Variants in NBAS observed in about 807,000 individuals in gnomAD.
NBAS encodes NAG/BC035112 fusion.
Under a neutral mutation model 302.5 loss-of-function variants are expected in NBAS, and 219 were observed. The ratio of observed to expected loss-of-function variants is 0.72; its 90% CI spans 0.65 to 0.81. NBAS has a LOEUF of 0.81. NBAS is among the 30% of genes least tolerant of loss of function. The pLI is 0.00. For missense variants in NBAS, 2,932 were observed against 2,841.6 expected (o/e 1.03, Z -0.72); for synonymous variants, 1,118 against 1,021.6 (o/e 1.09, Z -1.80).
At chr2:15,249,932 G>A (rs1395263885) in intron 44 of NBAS, among the ~76,000 whole-genome samples, 1 of 152,104 alleles carries the variant, frequency 6.6e-6, no homozygotes, top group Non-Finnish European at 1.5e-5. Flanking sequence ...AGCTACTGTT[G>A]ACTTTCTTCA....
chr2:14,817,180 T>C, the NBAS span, among the ~76,000 whole-genome samples: 2 of 152,222 alleles, frequency 1.3e-5, no homozygotes, highest in South Asian at 2.1e-4. Context: ...TCATGTGTTA[T>C]TGCATGTTGT....
At chr2:14,908,574 T>C in the NBAS span, among the ~76,000 whole-genome samples, 5 of 152,192 alleles carry the variant, frequency 3.3e-5, no homozygotes, top group African/African-American at 1.2e-4. Flanking sequence ...CATCCCTGCA[T>C]AGGTCTTGCC....
the NBAS span, among the ~76,000 whole-genome samples, chr2:14,824,932 C>T: frequency 6.6e-6 from 1 of 152,102 alleles, no homozygotes; most frequent in Admixed American, 6.5e-5. Flanking sequence ...GCAAGCAAAA[C>T]CTTTCTGTCC....
intron 9 of NBAS, among the ~76,000 whole-genome samples, chr2:15,524,880 A>C (rs1478070249): frequency 6.6e-6 from 1 of 152,000 alleles, no homozygotes; most frequent in African/African-American, 2.4e-5. Flanking sequence ...GAATGTCAAC[A>C]CAAGTACTAA....
At chr2:15,520,142 A>G (rs911293269) in intron 9 of NBAS, among the ~76,000 whole-genome samples, 7 of 152,126 alleles carry the variant, frequency 4.6e-5, no homozygotes, top group Admixed American at 6.6e-5. Flanking sequence ...TGACTTACAT[A>G]TGTAATTCCA....
At chr2:15,505,035 C>T (rs1661774977) in intron 10 of NBAS, among the ~76,000 whole-genome samples, 1 of 152,150 alleles carries the variant, frequency 6.6e-6, no homozygotes, top group South Asian at 2.1e-4. Flanking sequence ...GGAGATAAAT[C>T]TACACAAAAA....
intron 8 of NBAS, 39 bp from the exon 9 acceptor site, chr2:15,534,680 A>G: frequency 7.3e-7 from 1 of 1,366,594 alleles, no homozygotes; most frequent in Admixed American, 1.7e-5. Context: ...AATACCATTA[A>G]ACCACAATGA....
the NBAS span, among the ~76,000 whole-genome samples, chr2:14,913,517 T>C: frequency 6.6e-6 from 1 of 152,328 alleles, no homozygotes; most frequent in Non-Finnish European, 1.5e-5. Flanking sequence ...AATGGAAAGC[T>C]GAGCCCAGAC....
intron 25 of NBAS, among the ~76,000 whole-genome samples, chr2:15,403,869 G>A (rs912807291): frequency 8.5e-5 from 12 of 141,006 alleles, no homozygotes; most frequent in African/African-American, 3.2e-4. Flanking sequence ...TCCTTCGTGT[G>A]TGTGTGTGTG....
intron 35 of NBAS, among the ~76,000 whole-genome samples, chr2:15,338,724 T>C (rs1672713036): frequency 7.0e-6 from 1 of 142,398 alleles, no homozygotes; most frequent in Admixed American, 7.2e-5. Flanking sequence ...AAATTAGGTA[T>C]ACTGGCCAGG....
rs1368022410 is a variant in NBAS, at chr2:15,539,150, ACT to A, written c.513+71_513+72del. The A allele has an allele frequency of 3.2e-6, 5 of 1,583,578 alleles. No homozygotes were observed. The African/African-American group carries it at 6.7e-5, about 21-fold the overall frequency. ...ATATTTGTATTATCCCCCCCTTCAC[ACT>A]CTTTTATTCAAGTACCTATACATAC... On this transcript the variant is annotated intron_variant, in intron 7 of 51. Transcript: ENST00000281513.
At chr2:15,011,189 G>A in the NBAS span, among the ~76,000 whole-genome samples, 1 of 151,998 alleles carries the variant, frequency 6.6e-6, no homozygotes, top group African/African-American at 2.4e-5. Context: ...ACATGGTTTA[G>A]GGTAGATAGG....
At chr2:15,476,857 A>C (rs4614903) in intron 13 of NBAS, among the ~76,000 whole-genome samples, 2,940 of 152,360 alleles carry the variant, frequency 0.019, 65 homozygotes, top group East Asian at 0.059. Flanking sequence ...TTTAAAGGTA[A>C]AAGTAAACCA....
chr2:14,947,478 T>A, the NBAS span, among the ~76,000 whole-genome samples: 5 of 152,122 alleles, frequency 3.3e-5, no homozygotes, highest in African/African-American at 1.2e-4. Context: ...AGAAATTTTT[T>A]AAAAACAGAC....
the NBAS span, among the ~76,000 whole-genome samples, chr2:14,972,052 G>C: frequency 6.8e-6 from 1 of 147,492 alleles, no homozygotes; most frequent in South Asian, 2.1e-4. Flanking sequence ...TATGTACAGA[G>C]AAAAAAAAAA....
At chr2:15,373,492 G>A (rs1674583518) in intron 31 of NBAS, among the ~76,000 whole-genome samples, 2 of 151,924 alleles carry the variant, frequency 1.3e-5, no homozygotes, top group South Asian at 2.1e-4. Context: ...CATTACACTC[G>A]GCTAACTTCT....
At chr2:15,234,453 A>T in intron 46 of NBAS, 92 bp downstream of exon 46, 3 of 1,341,564 alleles carry the variant, frequency 2.2e-6, no homozygotes, top group Non-Finnish European at 3.2e-6. Context: ...TTCAAAACTT[A>T]TAAAATGCTT....
the NBAS span, among the ~76,000 whole-genome samples, chr2:15,019,479 G>A: frequency 0.01 from 1,550 of 152,216 alleles, 32 homozygotes; most frequent in African/African-American, 0.036. Flanking sequence ...AGGGGCTGCA[G>A]ACAGAAAGAA....
chr2:15,026,462 C>CAAAAAAAAAAAAAA, the NBAS span, among the ~76,000 whole-genome samples: 8 of 4,532 alleles, frequency 1.8e-3, no homozygotes, highest in Admixed American at 0.014. Flanking sequence ...GACTCCGTCT[C>CAAAAAAAAAAAAAA]AAAAAAAAAA....
Sources: gnomAD v4.1 joint callset for allele counts (sites outside exome capture counted in the v4.1 genomes callset) on GRCh38, gnomAD v4.1.1 for gene constraint, MANE v1.5 for transcripts, NCBI Gene and HGNC (gene_info 2026-07-23, HGNC 2026-07-21) for gene names.